Variants in KCNMA1 observed in about 807,000 individuals in gnomAD.
KCNMA1 encodes Calcium-activated potassium channel subunit alpha-1.
A neutral mutation model predicts 140.0 loss-of-function variants in KCNMA1; 29 were observed. The observed-to-expected ratio is 0.21, with a 90% CI of 0.15 to 0.28. The LOEUF (loss-of-function observed/expected upper bound fraction) is 0.28, where lower values mean the gene tolerates loss of function less well. Ranked by LOEUF, KCNMA1 falls within the 10% of genes least tolerant of loss-of-function variation. The probability of loss-of-function intolerance (pLI) is 1.00; values close to 1 mark genes in which losing one functional copy is unlikely to be tolerated. For missense variants in KCNMA1, 880 were observed against 1,602.2 expected (o/e 0.55, Z 7.70); for synonymous variants, 612 against 611.9 (o/e 1.00, Z 0.00).
intron 1 of KCNMA1, among the ~76,000 whole-genome samples, chr10:77,535,029 G>A (rs2058571770): frequency 1.3e-5 from 2 of 152,218 alleles, no homozygotes; most frequent in Non-Finnish European, 2.9e-5. Context: ...CAAACTACAG[G>A]GATGCTATAA....
At chr10:77,342,577 C>T (rs998521661) in intron 2 of KCNMA1, among the ~76,000 whole-genome samples, 12 of 152,218 alleles carry the variant, frequency 7.9e-5, no homozygotes, top group African/African-American at 2.9e-4. Context: ...CTCAAGCTCA[C>T]CTCCAGGCTG....
intron 1 of KCNMA1, among the ~76,000 whole-genome samples, chr10:77,501,633 G>T (rs937204827): frequency 6.6e-6 from 1 of 152,176 alleles, no homozygotes; most frequent in East Asian, 1.9e-4. Context: ...TGGCAAGACT[G>T]CAGAGCTGAG....
rs76366904 is a variant in KCNMA1, at chr10:77,335,119, C to T, written c.540+68743G>A. Reference sequence around the variant, plus strand: ...AGGTCCCATGAGAAAAGCCTCTCCCCTTCCCTCCTTTTCCTGCTCTTTCCT... The same window carrying T: ...AGGTCCCATGAGAAAAGCCTCTCCCTTTCCCTCCTTTTCCTGCTCTTTCCT... On this transcript the variant is annotated intron_variant, in intron 2 of 27. Coordinates refer to ENST00000286628, the MANE Select transcript of KCNMA1 (RefSeq NM_001161352.2). Among the ~76,000 whole-genome samples, 13 of 152,284 alleles carry T rather than the reference C, an allele frequency of 8.5e-5. No homozygotes were observed. The East Asian group carries it at 2.5e-3, about 29-fold the overall frequency.
At chr10:77,423,162 G>A (rs2096903593) in intron 1 of KCNMA1, among the ~76,000 whole-genome samples, 1 of 152,130 alleles carries the variant, frequency 6.6e-6, no homozygotes, top group Non-Finnish European at 1.5e-5. Context: ...ATGTTTTGTT[G>A]GATCCATGCC....
chr10:77,076,742 T>C (rs995067456), intron 13 of KCNMA1, among the ~76,000 whole-genome samples: 2 of 152,202 alleles, frequency 1.3e-5, no homozygotes, highest in Non-Finnish European at 2.9e-5. Context: ...CCATAAAATA[T>C]GACACACATG....
At chr10:76,907,628 T>C (rs1464009581) in intron 25 of KCNMA1, among the ~76,000 whole-genome samples, 1 of 152,108 alleles carries the variant, frequency 6.6e-6, no homozygotes, top group Non-Finnish European at 1.5e-5. Context: ...AACCTCCACC[T>C]CCCAGGCTCA....
intron 2 of KCNMA1, among the ~76,000 whole-genome samples, chr10:77,388,697 T>G (rs1161137036): frequency 6.6e-6 from 1 of 152,222 alleles, no homozygotes; most frequent in East Asian, 1.9e-4. Context: ...CAGAAATAAT[T>G]AGCACCAGAG....
chr10:77,136,783 C>A (rs1186616228), intron 5 of KCNMA1, among the ~76,000 whole-genome samples: 1 of 152,008 alleles, frequency 6.6e-6, no homozygotes, highest in African/African-American at 2.4e-5. Context: ...ATATTTATAT[C>A]AAAATTTCTA....
chr10:76,922,022 G>C lies in KCNMA1; in HGVS notation c.2903-6973C>G, dbSNP rs75446711. ...ACAGGGTAGAGGTAGCCCCCAACAA[G>C]GTGCTGGAGGTCAGTGTCAAGGAGG... On this transcript the variant is annotated intron_variant, in intron 23 of 27. Transcript: ENST00000286628. 7.8e-3 allele frequency among the ~76,000 whole-genome samples: 1,180 copies of C among 152,250 alleles called. 16 individuals carry two copies. Among genetic ancestry groups the C allele is most frequent in the African/African-American group, 0.027 (1,139 of 41,538 alleles).
chr10:77,405,663 C>T (rs2096448243), intron 1 of KCNMA1, among the ~76,000 whole-genome samples: 1 of 152,194 alleles, frequency 6.6e-6, no homozygotes, highest in Non-Finnish European at 1.5e-5. Context: ...ACTATGACTG[C>T]AGATGAAGAT....
chr10:77,404,031 C>G lies in KCNMA1; in HGVS notation c.379-8G>C, dbSNP rs1157339534. 4 of 1,613,898 alleles carry G rather than the reference C, an allele frequency of 2.5e-6. No homozygotes were observed. In the South Asian group the frequency reaches 3.3e-5, roughly 13 times the overall value. ...GTTAATCTTCTGGGCCTCCTGGCAA[C>G]AGAGAGAGCAAGAGTTAAGACATAG... On this transcript the variant is annotated splice_polypyrimidine_tract_variant and splice_region_variant and intron_variant, in intron 1 of 27. Coordinates refer to ENST00000286628, the MANE Select transcript of KCNMA1 (RefSeq NM_001161352.2).
At chr10:77,039,875 T>A (rs982545085) in intron 14 of KCNMA1, among the ~76,000 whole-genome samples, 1 of 110,426 alleles carries the variant, frequency 9.1e-6, no homozygotes, top group Non-Finnish European at 1.8e-5. Context: ...TTTTTCTTTT[T>A]TCTTTTTCTT....
chr10:77,078,508 T>C (rs1411428423), intron 13 of KCNMA1, among the ~76,000 whole-genome samples: 1 of 152,204 alleles, frequency 6.6e-6, no homozygotes, highest in Non-Finnish European at 1.5e-5. Context: ...CAAGGAAAAT[T>C]CCTTTCTCTT....
intron 1 of KCNMA1, among the ~76,000 whole-genome samples, chr10:77,407,344 T>C (rs2096503118): frequency 6.6e-6 from 1 of 152,280 alleles, no homozygotes; most frequent in Middle Eastern, 3.4e-3. Flanking sequence ...GCAGGCATTA[T>C]AACTCCATGC....
intron 2 of KCNMA1, among the ~76,000 whole-genome samples, chr10:77,365,604 T>G (rs1377384501): frequency 6.6e-6 from 1 of 152,198 alleles, no homozygotes; most frequent in Non-Finnish European, 1.5e-5. Context: ...TCACTATGTA[T>G]CAGAAGCTAC....
At chr10:77,038,028 C>G (rs976192207) in intron 15 of KCNMA1, among the ~76,000 whole-genome samples, 2 of 152,206 alleles carry the variant, frequency 1.3e-5, no homozygotes, top group Non-Finnish European at 2.9e-5. Flanking sequence ...TACCTATTCA[C>G]TTTTCCAGTC....
intron 1 of KCNMA1, among the ~76,000 whole-genome samples, chr10:77,578,516 C>T (rs1177896341): frequency 2.0e-5 from 3 of 152,184 alleles, no homozygotes; most frequent in Non-Finnish European, 2.9e-5. Flanking sequence ...CAGCCCCCAA[C>T]GAGGGAGGAG....
intron 3 of KCNMA1, among the ~76,000 whole-genome samples, chr10:77,231,949 C>T (rs2053752114): frequency 6.6e-6 from 1 of 152,230 alleles, no homozygotes; most frequent in South Asian, 2.1e-4. Context: ...CCCCCAATCT[C>T]CCCACAAGCA....
intron 2 of KCNMA1, among the ~76,000 whole-genome samples, chr10:77,270,215 G>A (rs1010546618): frequency 5.9e-5 from 9 of 152,214 alleles, no homozygotes. Flanking sequence ...ATGGTTGAGA[G>A]ACTCTCTAAC....
Sources: allele counts gnomAD v4.1 joint callset (sites outside exome capture counted in the v4.1 genomes callset), GRCh38; gene constraint gnomAD v4.1.1; transcripts MANE v1.5; gene names NCBI Gene and HGNC (gene_info 2026-07-23, HGNC 2026-07-21).